Variants in DBT observed in about 807,000 individuals in gnomAD.
DBT encodes dihydrolipoamide branched chain transacylase E2.
DBT carries 40 observed loss-of-function variants against 51.3 expected under a neutral mutation model. The ratio of observed to expected loss-of-function variants is 0.78; its 90% CI spans 0.61 to 1.02. The LOEUF is 1.02. DBT is among the 50% of genes least tolerant of loss of function. The pLI, the probability that DBT is intolerant of heterozygous loss-of-function variation, is 0.00. For synonymous variants in DBT, 181 were observed against 190.4 expected (o/e 0.95, Z 0.41); for missense variants, 510 against 580.2 (o/e 0.88, Z 1.24).
intron 4 of DBT, among the ~76,000 whole-genome samples, 185 bp from the exon 5 acceptor site, chr1:100,218,932 T>TTG (rs1225018318): frequency 1.4e-5 from 2 of 146,732 alleles, no homozygotes; most frequent in Non-Finnish European, 3.0e-5. Context: ...ATGGGTAGAG[T>TTG]GGGGGGGGGG....
chr1:100,210,679 C>T lies in DBT; in HGVS notation c.1017+15G>A, dbSNP rs1484276183. The T allele has an allele frequency of 3.1e-6, 5 of 1,612,856 alleles. No homozygotes were observed. Among genetic ancestry groups the T allele is most frequent in the Non-Finnish European group, 4.2e-6 (5 of 1,179,200 alleles). ...TCTATTAATAATAAGAACATTTTTA[C>T]TCTGCATAGCCAACCTTATATGTTA... On this transcript the variant is annotated intron_variant, in intron 8 of 10. Transcript: ENST00000370132.
chr1:100,213,530 G>A (rs1000393094), intron 7 of DBT: 107 of 1,553,276 alleles, frequency 6.9e-5, no homozygotes, highest in Middle Eastern at 3.4e-4. Flanking sequence ...AGGCTGTCCC[G>A]TCTGCAGGGT....
At chr1:100,201,040 A>C (rs1446190189) in intron 10 of DBT, among the ~76,000 whole-genome samples, 4 of 152,130 alleles carry the variant, frequency 2.6e-5, no homozygotes, top group Non-Finnish European at 5.9e-5. Flanking sequence ...CAAGGGAACA[A>C]AACTGGACAG....
chr1:100,220,364 T>C (rs1662778976), intron 4 of DBT, among the ~76,000 whole-genome samples: 2 of 152,224 alleles, frequency 1.3e-5, no homozygotes, highest in African/African-American at 4.8e-5. Context: ...TCTGAATTGG[T>C]AAATTAAAGA....
At chr1:100,199,658 C>CAGA (rs1461739128) in intron 10 of DBT, among the ~76,000 whole-genome samples, 1 of 152,168 alleles carries the variant, frequency 6.6e-6, no homozygotes, top group Non-Finnish European at 1.5e-5. Flanking sequence ...GAGACCAAGG[C>CAGA]AGAAGGCAGG....
rs1187248839 is a variant in DBT at position 100,188,500 on chromosome 1, A to G, written c.*7755T>C. The G allele has an allele frequency of 7.2e-5, 11 of 152,168 alleles. No homozygotes were observed. Among genetic ancestry groups the G allele is most frequent in the Non-Finnish European group, 1.5e-4 (10 of 68,030 alleles). The allele number at this position is 152,168 out of a possible 1,614,324, so 9.4% of individuals were successfully genotyped here. A position where few individuals can be genotyped will look rare whatever the true frequency, so the allele number is the denominator to read the frequency against. On this transcript the variant is annotated 3_prime_UTR_variant, in exon 11 of 11. Coordinates refer to ENST00000370132, the MANE Select transcript of DBT (RefSeq NM_001918.5). ...AAGTTAAATAGCTTTTTCCAAGTTT[A>G]ATACAGTTTGATGGCTCTTCTCGGG...
intron 4 of DBT, among the ~76,000 whole-genome samples, chr1:100,226,807 T>C (rs1373632760): frequency 6.6e-6 from 1 of 152,166 alleles, no homozygotes; most frequent in East Asian, 1.9e-4. Flanking sequence ...ACAATGTTAA[T>C]AGAACACATA....
intron 1 of DBT, among the ~76,000 whole-genome samples, chr1:100,244,063 C>CAAAA (rs1162401280): frequency 7.6e-5 from 6 of 78,988 alleles, no homozygotes; most frequent in East Asian, 3.5e-4. Context: ...AATTCTATCT[C>CAAAA]AAAAAAAAAA....
intron 2 of DBT, among the ~76,000 whole-genome samples, chr1:100,236,187 T>C (rs1663861159): frequency 6.6e-6 from 1 of 151,772 alleles, no homozygotes; most frequent in South Asian, 2.1e-4. Context: ...AGCCTCAAAC[T>C]CCTGGGCTCA....
chr1:100,243,354 AC>A (rs1310657616), intron 1 of DBT, among the ~76,000 whole-genome samples: 3 of 149,190 alleles, frequency 2.0e-5, no homozygotes, highest in Non-Finnish European at 4.4e-5. Flanking sequence ...TCACTCTGTC[AC>A]CCAGGCTGGA....
intron 4 of DBT, among the ~76,000 whole-genome samples, chr1:100,227,889 C>G (rs1215837259): frequency 6.6e-6 from 1 of 152,038 alleles, no homozygotes; most frequent in Non-Finnish European, 1.5e-5. Flanking sequence ...CACTCTGTCT[C>G]CCAGGCTGGA....
intron 1 of DBT, among the ~76,000 whole-genome samples, chr1:100,247,028 A>G (rs1442187498): frequency 6.6e-6 from 1 of 152,180 alleles, no homozygotes; most frequent in Non-Finnish European, 1.5e-5. Context: ...TGTGCAAATA[A>G]CTCAAGTTGT....
At chr1:100,225,197 T>C (rs371059740) in intron 4 of DBT, among the ~76,000 whole-genome samples, 9 of 151,694 alleles carry the variant, frequency 5.9e-5, no homozygotes, top group African/African-American at 2.2e-4. Flanking sequence ...TCGTATTCCT[T>C]GGTAATGCCT....
chr1:100,214,952 A>T lies in DBT; in HGVS notation c.804T>A (p.Ser268=), dbSNP rs1283378890. The T allele has an allele frequency of 6.2e-7, 1 of 1,612,650 alleles. No individual in the cohort carries two copies. The highest frequency in any genetic ancestry group is 1.7e-5 in the Admixed American group (1 of 60,026). Residue 268 remains serine (S), a synonymous_variant, in exon 7 of 11, where the codon TCT becomes TCA. Coordinates refer to ENST00000370132, the MANE Select transcript of DBT (RefSeq NM_001918.5). Reference sequence around the variant, plus strand: ...CAAAATGAGGTATCTTCAGGGCTGCAGACATAGTCTTGACCATTGCTTTTT... The same window carrying T: ...CAAAATGAGGTATCTTCAGGGCTGCTGACATAGTCTTGACCATTGCTTTTT... ...GFQKAMVKTM[S]AALKIPHFGY... is the part of the protein sequence containing the mutation.
intron 8 of DBT, among the ~76,000 whole-genome samples, chr1:100,209,625 A>G (rs575043716): frequency 1.2e-4 from 18 of 151,890 alleles, no homozygotes; most frequent in Non-Finnish European, 1.9e-4. Context: ...GCAGTGGCAC[A>G]ATCTTGGCTC....
At chr1:100,227,002 C>T (rs563422094) in intron 4 of DBT, among the ~76,000 whole-genome samples, 2 of 152,290 alleles carry the variant, frequency 1.3e-5, no homozygotes, top group African/African-American at 2.4e-5. Context: ...TGCACTTACA[C>T]AAATCTAGAT....
intron 10 of DBT, among the ~76,000 whole-genome samples, chr1:100,199,899 C>T (rs561172358): frequency 6.6e-5 from 10 of 152,276 alleles, no homozygotes; most frequent in East Asian, 3.9e-4. Context: ...TCTTTGCATC[C>T]GACAGACCAG....
intron 4 of DBT, 85 bp from the exon 5 acceptor site, chr1:100,218,832 C>A: frequency 6.1e-6 from 6 of 988,212 alleles, no homozygotes; most frequent in South Asian, 2.8e-5. Flanking sequence ...TAAGATGTGG[C>A]CTATAATATC....
intron 10 of DBT, among the ~76,000 whole-genome samples, chr1:100,200,512 T>C (rs1028236313): frequency 4.6e-5 from 7 of 152,210 alleles, no homozygotes; most frequent in Admixed American, 3.9e-4. Flanking sequence ...GCCTGCCGAC[T>C]CTGAAAAGAG....
Sources: allele counts gnomAD v4.1 joint callset (sites outside exome capture counted in the v4.1 genomes callset), GRCh38; gene constraint gnomAD v4.1.1; transcripts MANE v1.5; gene names NCBI Gene and HGNC (gene_info 2026-07-23, HGNC 2026-07-21).